RNF175: variants seen among roughly 807,000 people sequenced by gnomAD.
RNF175 encodes ring finger protein 175.
In RNF175, 38 loss-of-function variants were observed where a neutral mutation model predicts 50.0. The ratio of observed to expected loss-of-function variants is 0.76; its 90% confidence interval spans 0.59 to 1.00. The LOEUF is 1.00. Among genes scored for constraint, RNF175 ranks in the 50% least tolerant of loss-of-function variants. The probability of loss-of-function intolerance (pLI) is 0.00; values close to 1 mark genes in which losing one functional copy is unlikely to be tolerated. For synonymous variants in RNF175, 155 were observed against 146.1 expected (o/e 1.06, Z -0.44); for missense variants, 388 against 409.6 (o/e 0.95, Z 0.46).
Position 153,710,358 on chromosome 4 carries a change from G to C in RNF175, c.*11C>G. On this transcript the variant is annotated 3_prime_UTR_variant, in exon 9 of 9. Transcript: ENST00000347063. ...CAACCATGCAGTATGTTGCTTCTGGGGTCTGCTGTCCTATTCCAGCCCTAG... is the reference window on the plus strand; with the variant it reads ...CAACCATGCAGTATGTTGCTTCTGGCGTCTGCTGTCCTATTCCAGCCCTAG... 6.5e-7 allele frequency: 1 copy of C among 1,545,456 alleles called. No homozygotes were observed. The highest frequency in any genetic ancestry group is 8.8e-7 in the Non-Finnish European group (1 of 1,142,392).
At chr4:153,733,622 T>C (rs1211698676) in intron 3 of RNF175, among the ~76,000 whole-genome samples, 1 of 152,194 alleles carries the variant, frequency 6.6e-6, no homozygotes, top group Non-Finnish European at 1.5e-5. Context: ...GCGATACTTT[T>C]CCCCTCTCTA....
chr4:153,719,659 T>A (rs1470790988), intron 6 of RNF175, among the ~76,000 whole-genome samples: 1 of 152,162 alleles, frequency 6.6e-6, no homozygotes, highest in Non-Finnish European at 1.5e-5. Flanking sequence ...TAGGTAACAG[T>A]ATAGAGTCAG....
chr4:153,741,612 TTC>T (rs1660013162), intron 3 of RNF175, among the ~76,000 whole-genome samples: 2 of 152,240 alleles, frequency 1.3e-5, no homozygotes, highest in Non-Finnish European at 2.9e-5. Context: ...GTGACCTCAA[TTC>T]TCTGACAGGT....
At chr4:153,723,933 GC>G (rs1369486767) in intron 4 of RNF175, among the ~76,000 whole-genome samples, 5 of 152,022 alleles carry the variant, frequency 3.3e-5, no homozygotes, top group African/African-American at 1.2e-4. Context: ...TTTTCCCCCA[GC>G]CCCAGTGCAG....
intron 7 of RNF175, chr4:153,714,596 TATAAA>T (rs1465770147): frequency 6.6e-6 from 1 of 152,226 alleles, no homozygotes; most frequent in Non-Finnish European, 1.5e-5. Flanking sequence ...GATACTGTAC[TATAAA>T]ATAAAGATAA....
At chr4:153,716,079 A>C (rs940125527) in intron 6 of RNF175, among the ~76,000 whole-genome samples, 26 of 141,518 alleles carry the variant, frequency 1.8e-4, no homozygotes, top group Non-Finnish European at 3.7e-4. Flanking sequence ...AAAAAAAAAA[A>C]AAAAAAAGAA....
chr4:153,715,490 G>T (rs913544280), intron 7 of RNF175, 39 bp downstream of exon 7: 2 of 1,550,654 alleles, frequency 1.3e-6, no homozygotes, highest in African/African-American at 1.4e-5. Context: ...AAAGAAGGAG[G>T]CTTGATGAAG....
intron 3 of RNF175, among the ~76,000 whole-genome samples, chr4:153,731,298 A>C (rs1739019096): frequency 1.3e-5 from 2 of 152,210 alleles, no homozygotes; most frequent in Admixed American, 6.5e-5. Context: ...TAAACACATG[A>C]AATATATGAA....
chr4:153,749,031 A>C (rs1017813075), intron 2 of RNF175, among the ~76,000 whole-genome samples: 6 of 152,104 alleles, frequency 3.9e-5, no homozygotes, highest in African/African-American at 1.4e-4. Context: ...TTCTTAGCAA[A>C]ACCAGTTCCT....
Position 153,759,937 on chromosome 4 carries a change from C to T in RNF175, c.-75G>A. The T allele has an allele frequency of 1.1e-6, 1 of 898,718 alleles. No individual in the cohort carries two copies. Among genetic ancestry groups the T allele is most frequent in the Non-Finnish European group, 1.5e-6 (1 of 668,254 alleles). 55.7% of individuals were successfully genotyped at this position (898,718 alleles called of 1,614,324 possible). On this transcript the variant is annotated 5_prime_UTR_variant, in exon 1 of 9. Transcript: ENST00000347063. ...CCCGCAGAGTCCGCAGAAGGAGGCG[C>T]CGCGGGGCCTCGGGAGCCGAGGGTG...
At chr4:153,757,915 T>G (rs975097695) in intron 1 of RNF175, among the ~76,000 whole-genome samples, 1 of 152,142 alleles carries the variant, frequency 6.6e-6, no homozygotes, top group African/African-American at 2.4e-5. Flanking sequence ...ATCATAAGAT[T>G]GTACGTTACT....
At chr4:153,728,151 C>T in intron 4 of RNF175, 56 bp downstream of exon 4, 1 of 1,367,118 alleles carries the variant, frequency 7.3e-7, no homozygotes, top group Non-Finnish European at 9.9e-7. Flanking sequence ...ATAAAATATG[C>T]TTTGTAATAT....
intron 2 of RNF175, among the ~76,000 whole-genome samples, chr4:153,750,690 CT>C (rs1412147944): frequency 6.6e-6 from 1 of 151,980 alleles, no homozygotes; most frequent in Non-Finnish European, 1.5e-5. Context: ...ACTTGTTCCC[CT>C]GAAGATATGG....
rs1255090142 is a variant in RNF175 at position 153,723,538 on chromosome 4, A to G, written c.402-80T>C. 4.4e-6 allele frequency: 3 copies of G among 682,024 alleles called. No homozygotes were observed. In the Admixed American group the frequency reaches 7.7e-5, roughly 18 times the overall value. 42.2% of individuals were successfully genotyped at this position (682,024 alleles called of 1,614,324 possible). A position where few individuals can be genotyped will look rare whatever the true frequency, so the allele number is the denominator to read the frequency against. On this transcript the variant is annotated intron_variant, in intron 4 of 8. Coordinates refer to ENST00000347063, the MANE Select transcript of RNF175 (RefSeq NM_173662.4). ...GAGAAACACAGTAATATTATAAAAT[A>G]TTTTGTCTTTTTCAAAGACTTATAA...
chr4:153,750,408 C>T (rs1740222080), intron 2 of RNF175, among the ~76,000 whole-genome samples: 1 of 152,106 alleles, frequency 6.6e-6, no homozygotes, highest in Non-Finnish European at 1.5e-5. Context: ...CAAGGGTGCC[C>T]CCTGCTGGAA....
At chr4:153,740,579 T>G (rs911411540) in intron 3 of RNF175, among the ~76,000 whole-genome samples, 2 of 152,230 alleles carry the variant, frequency 1.3e-5, no homozygotes, top group Admixed American at 6.5e-5. Flanking sequence ...AACTTTGTAC[T>G]TGTTTACCAA....
intron 6 of RNF175, among the ~76,000 whole-genome samples, chr4:153,716,351 C>A (rs1737925873): frequency 6.6e-6 from 1 of 152,162 alleles, no homozygotes; most frequent in Admixed American, 6.5e-5. Flanking sequence ...CCTTTATTGT[C>A]CTGGAGATTC....
intron 3 of RNF175, among the ~76,000 whole-genome samples, chr4:153,742,953 T>TA (rs1017471415): frequency 6.6e-6 from 1 of 152,096 alleles, no homozygotes; most frequent in African/African-American, 2.4e-5. Context: ...GTGAATCTTA[T>TA]AAACATGTTC....
intron 4 of RNF175, among the ~76,000 whole-genome samples, chr4:153,724,658 T>C (rs2124641): frequency 0.8 from 121,405 of 151,896 alleles, 48,627 homozygotes; most frequent in Middle Eastern, 0.86. Context: ...TCTATGATAT[T>C]ACTAGCATAA....
Sources: allele counts gnomAD v4.1 joint callset (sites outside exome capture counted in the v4.1 genomes callset), GRCh38; gene constraint gnomAD v4.1.1; transcripts MANE v1.5; gene names NCBI Gene and HGNC (gene_info 2026-07-23, HGNC 2026-07-21).